Variants in STK11 observed in about 807,000 individuals in gnomAD.
STK11 encodes serine/threonine kinase 11.
Under a neutral mutation model 47.3 loss-of-function variants are expected in STK11, and 8 were observed. The observed-to-expected ratio is 0.17, with a 90% confidence interval of 0.10 to 0.31. STK11 has a LOEUF of 0.31. Among genes scored for constraint, STK11 ranks in the 10% least tolerant of loss-of-function variants. The pLI, the probability that STK11 is intolerant of heterozygous loss-of-function variation, is 1.00. For synonymous variants in STK11, 330 were observed against 255.8 expected (o/e 1.29, Z -2.77); for missense variants, 475 against 605.0 (o/e 0.79, Z 2.25).
At chr19:1,222,285 G>A (rs1049041961) in intron 7 of STK11, among the ~76,000 whole-genome samples, 1 of 152,246 alleles carries the variant, frequency 6.6e-6, no homozygotes, top group Admixed American at 6.5e-5. Flanking sequence ...GGCACAGCTG[G>A]TCCCAAACAC....
At chr19:1,227,083 C>T (rs1182741791) in intron 9 of STK11, 3 of 188,398 alleles carry the variant, frequency 1.6e-5, no homozygotes. Context: ...CTCCATGGCT[C>T]TGCCGGGGTG....
intron 1 of STK11, among the ~76,000 whole-genome samples, chr19:1,216,806 C>T (rs2145418460): frequency 6.7e-6 from 1 of 149,816 alleles, no homozygotes; most frequent in East Asian, 2.0e-4. Context: ...AGGTGCACTC[C>T]AGCCTGGGCG....
Position 1,221,261 on chromosome 19 carries a change from C to T in STK11, c.783C>T (p.Tyr261=), listed in dbSNP as rs1555738647. ...ACCCCTTCGAAGGGGACAACATCTA[C>T]AAGTTGTTTGAGAACATCGGGAAGG... ...GLYPFEGDNI[Y]KLFENIGKGS... The change falls in exon 6 of 10, where the codon TAC becomes TAT. Residue 261 remains tyrosine, a synonymous_variant. Coordinates refer to ENST00000326873, the MANE Select transcript of STK11 (RefSeq NM_000455.5). 1 of 1,612,458 alleles carries T rather than the reference C, an allele frequency of 6.2e-7. No homozygotes were observed. Among genetic ancestry groups the T allele is most frequent in the Non-Finnish European group, 8.5e-7 (1 of 1,179,588 alleles).
chr19:1,221,803 C>T (rs2080786288), intron 6 of STK11, 146 bp from the exon 7 acceptor site: 2 of 877,690 alleles, frequency 2.3e-6, no homozygotes, highest in Non-Finnish European at 1.8e-6. Flanking sequence ...TGGCCTCTGT[C>T]AGGGAGACCG....
intron 8 of STK11, chr19:1,225,372 A>G: frequency 2.3e-6 from 2 of 880,902 alleles, no homozygotes; most frequent in Non-Finnish European, 2.7e-6. Flanking sequence ...TCCCGGATTC[A>G]AGCAATTCTG....
chr19:1,226,864 C>T (rs2080827311), intron 9 of STK11: 1 of 640,268 alleles, frequency 1.6e-6, no homozygotes, highest in South Asian at 2.3e-5. Flanking sequence ...GGCCAGCGTG[C>T]TGGTCATGGA....
In STK11 at chr19:1,223,056, G is replaced by A. The variant is rs371264852; in HGVS notation, c.992G>A (p.Arg331Gln). The change falls in exon 8 of 10, where the codon CGG becomes CAG. Residue 331 changes from arginine (R) to glutamine (Q), a missense_variant. By Grantham distance (43) the Arg-to-Gln change is conservative. Transcript: ENST00000326873. ...PIPPSPDTKD[R>Q]WRSMTVVPYL... is the part of the protein sequence containing the mutation. ...CCACCGAGCCCAGACACCAAGGACCGGTGGCGCAGCATGACTGTGGTGCCG... is the reference window on the plus strand; with the variant it reads ...CCACCGAGCCCAGACACCAAGGACCAGTGGCGCAGCATGACTGTGGTGCCG... 73 of 1,604,078 alleles carry A rather than the reference G, an allele frequency of 4.6e-5. No homozygotes were observed. The highest frequency in any genetic ancestry group is 1.5e-4 in the African/African-American group (11 of 74,744).
Position 1,218,524 on chromosome 19 carries a change from G to T in STK11, c.374+24G>T, listed in dbSNP as rs2075604. 0.13 allele frequency: 215,352 copies of T among 1,604,610 alleles called. 19,584 individuals are homozygous for T. The highest frequency in any genetic ancestry group is 0.42 in the East Asian group (18,774 of 44,836). On this transcript the variant is annotated intron_variant, in intron 2 of 9. Coordinates refer to ENST00000326873, the MANE Select transcript of STK11 (RefSeq NM_000455.5). ...ATATATCCTTTCCGGTGTTGGGACCGCGGGGCCTCCGTGGGAGGGGCTGGG... is the reference window on the plus strand; with the variant it reads ...ATATATCCTTTCCGGTGTTGGGACCTCGGGGCCTCCGTGGGAGGGGCTGGG...
chr19:1,226,603 G>A lies in STK11; in HGVS notation c.1258G>A (p.Ala420Thr), dbSNP rs762482152. Residue 420 changes from alanine to threonine, a missense_variant, in exon 9 of 10, where the codon GCC becomes ACC. This residue lies in a region of STK11 where 219 missense variants were observed against 189.2 expected (regional missense o/e 1.16). Coordinates refer to ENST00000326873, the MANE Select transcript of STK11 (RefSeq NM_000455.5). ...CAACCCTGCCCGCAAGGCCTGCTCC[G>A]CCAGCAGCAAGATCCGCCGGCTGTC... The part of the protein sequence containing the change: ...APNPARKACS[A>T]SSKIRRLSAC... 11 of 1,562,610 alleles carry A rather than the reference G, an allele frequency of 7.0e-6. No individual in the cohort carries two copies. Among genetic ancestry groups the A allele is most frequent in the South Asian group, 4.7e-5 (4 of 85,040 alleles).
At chr19:1,216,410 T>C (rs201121376) in intron 1 of STK11, 2 of 164,598 alleles carry the variant, frequency 1.2e-5, no homozygotes, top group East Asian at 2.5e-4. Flanking sequence ...TGAAACCCCA[T>C]CTCTACTAAA....
intron 1 of STK11, among the ~76,000 whole-genome samples, chr19:1,208,073 T>C (rs7256801): frequency 0.54 from 81,831 of 152,012 alleles, 23,046 homozygotes; most frequent in East Asian, 0.98. Flanking sequence ...TTTCCCAGCC[T>C]TCTTAACTTT....
chr19:1,224,593 G>A lies in STK11; in HGVS notation c.1108+1421G>A, dbSNP rs1046003086. 1.6e-5 allele frequency: 16 copies of A among 985,612 alleles called. No homozygotes were observed. The Admixed American group carries it at 2.5e-4, about 15-fold the overall frequency. 61.1% of individuals were successfully genotyped at this position (985,612 alleles called of 1,614,324 possible). ...ACGTGGACCACACGCTGACCCCCAC[G>A]GCCGCCCCTGCAGGCCAGGATCCCT... On this transcript the variant is annotated intron_variant, in intron 8 of 9. Transcript: ENST00000326873.
At position 1,225,100 on chromosome 19, in the gene STK11, T is replaced by A. The variant is rs560426746; in HGVS notation, c.1109-1354T>A. Reference sequence around the variant, plus strand: ...TCCCAGGGAAGGGGCTTGGGCTAGATCCTGGGCACCAGTGCAGACAGGAGT... The same window carrying A: ...TCCCAGGGAAGGGGCTTGGGCTAGAACCTGGGCACCAGTGCAGACAGGAGT... On this transcript the variant is annotated intron_variant, in intron 8 of 9. Coordinates refer to ENST00000326873, the MANE Select transcript of STK11 (RefSeq NM_000455.5). 1.1e-4 allele frequency: 112 copies of A among 985,994 alleles called. 2 individuals are homozygous for A. The South Asian group carries it at 4.6e-3, about 40-fold the overall frequency. The allele number at this position is 985,994 out of a possible 1,614,324, so 61.1% of individuals were successfully genotyped here.
At chr19:1,222,887 G>A in intron 7 of STK11, 98 bp from the exon 8 acceptor site, 1 of 1,367,348 alleles carries the variant, frequency 7.3e-7, no homozygotes, top group Non-Finnish European at 9.8e-7. Context: ...CAGCTCCTGA[G>A]TGTGTGGCAG....
In STK11 at chr19:1,220,617, A is replaced by T. The variant is rs1300171938; in HGVS notation, c.634A>T (p.Thr212Ser). The change falls in exon 5 of 10, where the codon ACC becomes TCC. Residue 212 changes from threonine (T) to serine (S), a missense_variant. Physicochemically the swap from Thr to Ser is moderately conservative, Grantham distance 58 (BLOSUM62 1). Around this residue, in one of 5 missense-constraint regions of STK11, gnomAD observed 130 missense variants for 239.7 expected, o/e 0.54. Transcript: ENST00000326873. The stretch of plus-strand genomic sequence containing the variant: ...GTTCGCGGCGGACGACACCTGCCGG[A>T]CCAGCCAGGGCTCCCCGGCTTTCCA... Reference protein sequence around the residue: ...HPFAADDTCRTSQGSPAFQPP... With the variant: ...HPFAADDTCRSSQGSPAFQPP... 1 of 1,601,674 alleles carries T rather than the reference A, an allele frequency of 6.2e-7. No homozygotes were observed. The highest frequency in any genetic ancestry group is 8.5e-7 in the Non-Finnish European group (1 of 1,174,740).
chr19:1,221,781 C>T (rs533166598), intron 6 of STK11, 168 bp from the exon 7 acceptor site: 12 of 723,996 alleles, frequency 1.7e-5, no homozygotes, highest in African/African-American at 8.7e-5. Context: ...CCGGCATGTC[C>T]CAGGAGTGGA....
chr19:1,209,678 G>A (rs1188366148), intron 1 of STK11, among the ~76,000 whole-genome samples: 1 of 152,146 alleles, frequency 6.6e-6, no homozygotes, highest in Non-Finnish European at 1.5e-5. Flanking sequence ...GAAGACAGAC[G>A]CTGGAGGGTG....
chr19:1,206,502 G>C lies in STK11; in HGVS notation c.-412G>C, dbSNP rs1423946074. ...GGCGGCCCGGAGAAGACTGCGCTCGGCCGTGTTCATACTTGTCCGTGGGCC... is the reference window on the plus strand; with the variant it reads ...GGCGGCCCGGAGAAGACTGCGCTCGCCCGTGTTCATACTTGTCCGTGGGCC... On this transcript the variant is annotated 5_prime_UTR_variant, in exon 1 of 10. Coordinates refer to ENST00000326873, the MANE Select transcript of STK11 (RefSeq NM_000455.5). The C allele has an allele frequency of 3.8e-6, 1 of 264,332 alleles. No individual in the cohort carries two copies. The highest frequency in any genetic ancestry group is 7.3e-6 in the Non-Finnish European group (1 of 136,908). The allele number at this position is 264,332 out of a possible 1,614,324, so 16.4% of individuals were successfully genotyped here.
intron 7 of STK11, among the ~76,000 whole-genome samples, chr19:1,222,488 G>A (rs1315745231): frequency 2.0e-5 from 3 of 152,200 alleles, no homozygotes; most frequent in Non-Finnish European, 2.9e-5. Flanking sequence ...CCCTTGAGCC[G>A]TCTGCTGGAG....
Sources: allele counts gnomAD v4.1 joint callset (sites outside exome capture counted in the v4.1 genomes callset), GRCh38; gene constraint gnomAD v4.1.1; regional missense constraint gnomAD v4.1.1; transcripts MANE v1.5; gene names NCBI Gene and HGNC (gene_info 2026-07-23, HGNC 2026-07-21).